The following STK31 variants were observed in gnomAD, a reference collection of about 807,000 sequenced individuals.
The protein encoded by STK31 is serine/threonine-protein kinase 31.
STK31 carries 89 observed loss-of-function variants against 129.7 expected under a neutral mutation model. The observed-to-expected ratio is 0.69, with a 90% CI of 0.58 to 0.82. The LOEUF is 0.82. STK31 is among the 40% of genes least tolerant of loss of function. The pLI is 0.00. For missense variants in STK31, 1,187 were observed against 1,176.4 expected (o/e 1.01, Z -0.13); for synonymous variants, 448 against 395.3 (o/e 1.13, Z -1.58).
chr7:23,808,035 G>A (rs926518931), intron 22 of STK31, among the ~76,000 whole-genome samples: 1 of 150,708 alleles, frequency 6.6e-6, no homozygotes, highest in Non-Finnish European at 1.5e-5. Context: ...TTTGGTGTCC[G>A]GTGGTTGTCT....
chr7:23,812,922 C>G (rs1190411266), intron 22 of STK31, among the ~76,000 whole-genome samples: 2 of 151,942 alleles, frequency 1.3e-5, no homozygotes, highest in African/African-American at 4.8e-5. Flanking sequence ...TATGTGTACT[C>G]ACACACATAC....
chr7:23,721,556 T>G, intron 4 of STK31: 2 of 937,478 alleles, frequency 2.1e-6, no homozygotes, highest in South Asian at 2.6e-5. Context: ...TTTTTTCCTT[T>G]TGGGTGGAGC....
intron 22 of STK31, among the ~76,000 whole-genome samples, chr7:23,808,712 C>G (rs1193240861): frequency 6.6e-6 from 1 of 152,072 alleles, no homozygotes; most frequent in African/African-American, 2.4e-5. Flanking sequence ...TCATGGATAC[C>G]ATGCTAGTGG....
rs199674177 is a variant in STK31 at position 23,710,342 on chromosome 7, A to T, written c.50+7A>T. The T allele has an allele frequency of 1.2e-4, 194 of 1,613,444 alleles. No individual in the cohort carries two copies. In the African/African-American group the frequency reaches 2.3e-3, roughly 19 times the overall value. On this transcript the variant is annotated splice_region_variant and intron_variant, in intron 1 of 23. Transcript: ENST00000355870. ...CCGCAACGGAAAGTGTGAGGTCAGTAGTAGTTTTTGTGGTACGTGCAGTGG... is the reference window on the plus strand; with the variant it reads ...CCGCAACGGAAAGTGTGAGGTCAGTTGTAGTTTTTGTGGTACGTGCAGTGG...
intron 23 of STK31, among the ~76,000 whole-genome samples, chr7:23,831,415 A>G (rs540824947): frequency 2.7e-4 from 41 of 152,274 alleles, no homozygotes; most frequent in Admixed American, 5.9e-4. Context: ...ACCTGATACA[A>G]GTATAGTTAC....
intron 23 of STK31, among the ~76,000 whole-genome samples, chr7:23,825,780 G>T (rs1411168698): frequency 6.6e-6 from 1 of 152,122 alleles, no homozygotes; most frequent in African/African-American, 2.4e-5. Context: ...ATGTGTCCCA[G>T]AGATTCTGGT....
intron 23 of STK31, among the ~76,000 whole-genome samples, chr7:23,819,924 C>T (rs922799491): frequency 2.0e-5 from 3 of 152,074 alleles, no homozygotes; most frequent in African/African-American, 7.2e-5. Flanking sequence ...AGAGAGTGAT[C>T]ACTTAAAAAC....
chr7:23,728,411 T>A (rs561914699), intron 5 of STK31, among the ~76,000 whole-genome samples: 2 of 152,274 alleles, frequency 1.3e-5, no homozygotes, highest in South Asian at 4.1e-4. Flanking sequence ...TTTAAAAAAA[T>A]TTCATTTTTT....
At chr7:23,769,238 C>G in intron 12 of STK31, 64 bp downstream of exon 12, 1 of 1,406,552 alleles carries the variant, frequency 7.1e-7, no homozygotes, top group Non-Finnish European at 9.3e-7. Flanking sequence ...TTTTAAAAAT[C>G]ACGCGCTTTG....
intron 21 of STK31, among the ~76,000 whole-genome samples, chr7:23,789,577 A>T (rs1167592662): frequency 6.6e-6 from 1 of 152,134 alleles, no homozygotes; most frequent in East Asian, 1.9e-4. Flanking sequence ...AAGATGAGAA[A>T]ATGAAACTGC....
intron 15 of STK31, among the ~76,000 whole-genome samples, chr7:23,773,465 G>T (rs1049563185): frequency 6.6e-6 from 1 of 152,034 alleles, no homozygotes; most frequent in South Asian, 2.1e-4. Context: ...GGGTTGGTTC[G>T]AAGTCTTTGC....
At chr7:23,726,707 A>C (rs970711960) in intron 4 of STK31, among the ~76,000 whole-genome samples, 3 of 152,074 alleles carry the variant, frequency 2.0e-5, no homozygotes, top group Non-Finnish European at 2.9e-5. Context: ...ATATAAAATA[A>C]AGTACAGTAT....
At chr7:23,767,221 T>C (rs757060416) in intron 11 of STK31, among the ~76,000 whole-genome samples, 1 of 152,232 alleles carries the variant, frequency 6.6e-6, no homozygotes, top group Non-Finnish European at 1.5e-5. Context: ...TAGTTTTTTA[T>C]ACTTCTTTCA....
chr7:23,734,208 A>G (rs907991338), intron 6 of STK31, among the ~76,000 whole-genome samples: 49 of 152,190 alleles, frequency 3.2e-4, no homozygotes, highest in South Asian at 2.1e-4. Flanking sequence ...TTGTATTTAT[A>G]GAGTGGGAAT....
chr7:23,816,372 C>G (rs372094823), intron 23 of STK31, among the ~76,000 whole-genome samples: 64 of 152,280 alleles, frequency 4.2e-4, no homozygotes, highest in African/African-American at 1.4e-3. Context: ...GAAAAATTAC[C>G]TTGTACCAAG....
intron 3 of STK31, among the ~76,000 whole-genome samples, chr7:23,715,591 C>G (rs1050534022): frequency 2.6e-5 from 4 of 151,818 alleles, no homozygotes; most frequent in African/African-American, 9.7e-5. Flanking sequence ...AACAAACAAA[C>G]AAACAAAGAG....
At chr7:23,773,468 G>C (rs890691276) in intron 15 of STK31, among the ~76,000 whole-genome samples, 1 of 152,122 alleles carries the variant, frequency 6.6e-6, no homozygotes, top group Non-Finnish European at 1.5e-5. Flanking sequence ...TTGGTTCGAA[G>C]TCTTTGCTAT....
chr7:23,712,293 A>G lies in STK31; in HGVS notation c.150+7A>G, dbSNP rs747326158. The stretch of plus-strand genomic sequence containing the variant: ...AGTAACATTTTGGGCCCAGGTAAAT[A>G]GCAAACTGGTTGATATCCCCCCTCA... On this transcript the variant is annotated splice_region_variant and intron_variant, in intron 3 of 23. Coordinates refer to ENST00000355870, the MANE Select transcript of STK31 (RefSeq NM_031414.5). 2.1e-5 allele frequency: 34 copies of G among 1,614,062 alleles called. No homozygotes were observed. Among genetic ancestry groups the G allele is most frequent in the Non-Finnish European group, 2.8e-5 (33 of 1,179,958 alleles).
chr7:23,756,733 A>G (rs1404127080), intron 10 of STK31, among the ~76,000 whole-genome samples: 2 of 152,214 alleles, frequency 1.3e-5, no homozygotes, highest in African/African-American at 2.4e-5. Context: ...CCCTTTCTGC[A>G]TCTATTGAGA....
Sources: gnomAD v4.1 joint callset for allele counts (sites outside exome capture counted in the v4.1 genomes callset) on GRCh38, gnomAD v4.1.1 for gene constraint, MANE v1.5 for transcripts, NCBI Gene and HGNC (gene_info 2026-07-23, HGNC 2026-07-21) for gene names.